LRRC56: variants seen among roughly 807,000 people sequenced by gnomAD.
LRRC56 encodes leucine rich repeat containing 56.
In LRRC56, 41 loss-of-function variants were observed where a neutral mutation model predicts 47.8. The observed-to-expected ratio is 0.86, with a 90% confidence interval of 0.67 to 1.11. The LOEUF (loss-of-function observed/expected upper bound fraction) is 1.11, where lower values mean the gene tolerates loss of function less well. Among genes scored for constraint, LRRC56 ranks in the 50% most tolerant of loss-of-function variants. The probability of loss-of-function intolerance (pLI) is 0.00; values close to 1 mark genes in which losing one functional copy is unlikely to be tolerated. For missense variants in LRRC56, 759 were observed against 704.2 expected (o/e 1.08, Z -0.88); for synonymous variants, 387 against 311.2 (o/e 1.24, Z -2.56).
At chr11:549,710 C>T (rs1262861079) in intron 6 of LRRC56, among the ~76,000 whole-genome samples, 192 bp from the exon 7 acceptor site, 1 of 152,238 alleles carries the variant, frequency 6.6e-6, no homozygotes, top group Non-Finnish European at 1.5e-5. Flanking sequence ...GCCAGGCCCT[C>T]CAGGGCTTGG....
the LRRC56 span, among the ~76,000 whole-genome samples, chr11:516,644 A>C: frequency 6.6e-6 from 1 of 152,184 alleles, no homozygotes; most frequent in African/African-American, 2.4e-5. Flanking sequence ...AGCAGATTAA[A>C]AGACAAAAAG....
chr11:530,669 G>A, the LRRC56 span, among the ~76,000 whole-genome samples: 1 of 66,288 alleles, frequency 1.5e-5, no homozygotes, highest in Admixed American at 1.3e-4. Flanking sequence ...GGACAGAAGG[G>A]GGAGTGTGGC....
chr11:534,325 C>T (rs1589793848), upstream of LRRC56: 2 of 1,610,844 alleles, frequency 1.2e-6, no homozygotes, highest in Non-Finnish European at 8.5e-7. Flanking sequence ...TCCGTCATCG[C>T]TCCTCAGGGG....
chr11:551,289 C>T lies in LRRC56; in HGVS notation c.783C>T (p.Gly261=). The part of the protein sequence containing the change: ...AVKEAIKKGN[G]LPPLDCPRGA... ...AGGAGGCCATCAAGAAGGGCAACGG[C>T]CTTCCCCCGCTGGGTACGGCAGCTG... Residue 261 remains glycine (G), a synonymous_variant, in exon 9 of 14, where the codon GGC becomes GGT. Transcript: ENST00000270115. 2 of 1,527,072 alleles carry T rather than the reference C, an allele frequency of 1.3e-6. No individual in the cohort carries two copies. Among genetic ancestry groups the T allele is most frequent in the Middle Eastern group, 1.7e-4 (1 of 5,878 alleles). 94.6% of individuals were successfully genotyped at this position (1,527,072 alleles called of 1,614,324 possible).
At chr11:525,846 G>A in the LRRC56 span, among the ~76,000 whole-genome samples, 1 of 152,130 alleles carries the variant, frequency 6.6e-6, no homozygotes, top group Non-Finnish European at 1.5e-5. Flanking sequence ...GCTGCAGTGA[G>A]CTACCATCAC....
At chr11:525,353 C>T in the LRRC56 span, among the ~76,000 whole-genome samples, 41 of 152,128 alleles carry the variant, frequency 2.7e-4, no homozygotes, top group African/African-American at 8.7e-4. Context: ...TCCTGGCTAA[C>T]ACGGTGAAGC....
the LRRC56 span, among the ~76,000 whole-genome samples, chr11:523,625 T>C: frequency 1.5e-5 from 2 of 133,048 alleles, no homozygotes; most frequent in South Asian, 5.0e-4. Context: ...AGACTCCATC[T>C]AAAAAAAAAA....
In LRRC56 at chr11:549,982, C is replaced by A; in HGVS notation, c.407C>A (p.Ser136Tyr). The A allele has an allele frequency of 6.2e-7, 1 of 1,612,474 alleles. No individual in the cohort carries two copies. The highest frequency in any genetic ancestry group is 8.5e-7 in the Non-Finnish European group (1 of 1,179,734). Residue 136 changes from serine to tyrosine, a missense_variant, in exon 7 of 14, where the codon TCT (serine) becomes TAT (tyrosine). Ser to Tyr is a moderately radical substitution (Grantham distance 144). Coordinates refer to ENST00000270115, the MANE Select transcript of LRRC56 (RefSeq NM_198075.4). Reference sequence around the variant, plus strand: ...CTCGCTGACCTGGATGGCATCGCCTCTTTGCCAGCACTTAAGGTGAGTCTG... The same window carrying A: ...CTCGCTGACCTGGATGGCATCGCCTATTTGCCAGCACTTAAGGTGAGTCTG... ...CGLADLDGIA[S>Y]LPALKELYAS...
At chr11:534,431 G>C, upstream of LRRC56, 1 of 850,716 alleles carries the variant, frequency 1.2e-6, no homozygotes, top group South Asian at 1.5e-5. Context: ...GCCCCACAGG[G>C]CAGCTGCTGG....
At chr11:534,609 C>G, upstream of LRRC56, 1 of 538,898 alleles carries the variant, frequency 1.9e-6, no homozygotes, top group South Asian at 2.2e-5. Flanking sequence ...ACCCAGCCCT[C>G]AAAGGCAGGG....
At chr11:532,979 C>T (rs114143453), upstream of LRRC56, among the ~76,000 whole-genome samples, 2,794 of 152,322 alleles carry the variant, frequency 0.018, 83 homozygotes, top group African/African-American at 0.063. Context: ...CAGGGTGGCC[C>T]GGGGCCCTCC....
At chr11:512,769 G>A in the LRRC56 span, among the ~76,000 whole-genome samples, 1 of 152,184 alleles carries the variant, frequency 6.6e-6, no homozygotes, top group Admixed American at 6.5e-5. Flanking sequence ...TAAAGTAATG[G>A]TGGATTAACT....
the LRRC56 span, among the ~76,000 whole-genome samples, chr11:521,989 G>T: frequency 6.6e-6 from 1 of 151,754 alleles, no homozygotes; most frequent in African/African-American, 2.4e-5. Flanking sequence ...GGGAAGATAA[G>T]ATACAGGAAA....
rs552097342 is a variant in LRRC56, at chr11:552,570, C to A, written c.1183C>A (p.Pro395Thr). The A allele has an allele frequency of 1.9e-6, 3 of 1,600,508 alleles. No individual in the cohort carries two copies. The African/African-American group carries it at 4.0e-5, about 21-fold the overall frequency. ...LRAWREHGVR[P>T]LPYRHPESQQ... Reference sequence around the variant, plus strand: ...CTTCTCCTCCTCTCCCCACCCTAGCCCCCTCCCCTATAGGCACCCGGAGTC... The same window carrying A: ...CTTCTCCTCCTCTCCCCACCCTAGCACCCTCCCCTATAGGCACCCGGAGTC... The change falls in exon 13 of 14, where the codon CCC becomes ACC. Residue 395 changes from proline to threonine, a missense_variant and splice_region_variant. By Grantham distance (38) the Pro-to-Thr change is conservative. Coordinates refer to ENST00000270115, the MANE Select transcript of LRRC56 (RefSeq NM_198075.4).
the LRRC56 span, among the ~76,000 whole-genome samples, chr11:507,820 T>C: frequency 6.6e-6 from 1 of 152,194 alleles, no homozygotes; most frequent in Non-Finnish European, 1.5e-5. Flanking sequence ...TCCTGGCCAC[T>C]GGCTGCCGCC....
the LRRC56 span, among the ~76,000 whole-genome samples, chr11:527,190 AC>A: frequency 6.6e-6 from 1 of 151,746 alleles, no homozygotes; most frequent in Admixed American, 6.6e-5. Context: ...AATCCCAGCT[AC>A]TCAGGAGGCT....
the LRRC56 span, among the ~76,000 whole-genome samples, chr11:513,666 A>G: frequency 6.6e-6 from 1 of 152,088 alleles, no homozygotes; most frequent in African/African-American, 2.4e-5. Context: ...TGTGAAAGGA[A>G]GAAGCTCAAT....
At chr11:543,556 G>A (rs1851912439) in intron 5 of LRRC56, among the ~76,000 whole-genome samples, 1 of 152,112 alleles carries the variant, frequency 6.6e-6, no homozygotes, top group African/African-American at 2.4e-5. Context: ...TCCCACCCAG[G>A]ATCACTGGCT....
At position 554,645 on chromosome 11, in the gene LRRC56, A is replaced by C; in HGVS notation, c.*369A>C. On this transcript the variant is annotated 3_prime_UTR_variant, in exon 14 of 14. Coordinates refer to ENST00000270115, the MANE Select transcript of LRRC56 (RefSeq NM_198075.4). Reference sequence around the variant, plus strand: ...GGGCAGGGGCTGGAGCTGCGAGTCCACCACTCCCTTGCCGGCCCCAGGGTA... The same window carrying C: ...GGGCAGGGGCTGGAGCTGCGAGTCCCCCACTCCCTTGCCGGCCCCAGGGTA... The C allele has an allele frequency of 2.5e-6, 1 of 401,454 alleles. No individual in the cohort carries two copies. The highest frequency in any genetic ancestry group is 4.5e-6 in the Non-Finnish European group (1 of 223,926). The allele number at this position is 401,454 out of a possible 1,614,324, so 24.9% of individuals were successfully genotyped here. A position where few individuals can be genotyped will look rare whatever the true frequency, so the allele number is the denominator to read the frequency against.
Sources: gnomAD v4.1 joint callset for allele counts (sites outside exome capture counted in the v4.1 genomes callset) on GRCh38, gnomAD v4.1.1 for gene constraint, MANE v1.5 for transcripts, NCBI Gene and HGNC (gene_info 2026-07-23, HGNC 2026-07-21) for gene names.